Variants in SLC5A11 observed in about 807,000 individuals in gnomAD.
SLC5A11 encodes sodium/myo-inositol cotransporter 2.
SLC5A11 carries 48 observed loss-of-function variants against 69.8 expected under a neutral mutation model. That is an observed-to-expected ratio of 0.69 (90% CI 0.55 to 0.87). The LOEUF is 0.87. Among genes scored for constraint, SLC5A11 ranks in the 40% least tolerant of loss-of-function variants. The pLI is 0.00. For missense variants in SLC5A11, 784 were observed against 866.1 expected (o/e 0.91, Z 1.19); for synonymous variants, 319 against 342.4 (o/e 0.93, Z 0.75).
At chr16:24,908,933 T>C (rs1597320511) in exon 14 of SLC5A11, 1 of 1,613,970 alleles carries the variant, frequency 6.2e-7, no homozygotes, top group Non-Finnish European at 8.5e-7. Context: ...GTTAGGCTGG[T>C]CCTGGACTTT....
chr16:24,882,368 G>A (rs892884239), intron 7 of SLC5A11, among the ~76,000 whole-genome samples: 1 of 152,158 alleles, frequency 6.6e-6, no homozygotes, highest in Non-Finnish European at 1.5e-5. Flanking sequence ...TGAACGGCAG[G>A]GAACTGAGGC....
Position 24,888,783 on chromosome 16 carries a change from C to CTTTTT in SLC5A11, c.665-2061_665-2057dup, listed in dbSNP as rs1169015317. Among the ~76,000 whole-genome samples, 16 of 45,756 alleles carry CTTTTT rather than the reference C, an allele frequency of 3.5e-4. 4 individuals carry two copies. The highest frequency in any genetic ancestry group is 1.3e-3 in the East Asian group (2 of 1,488). 30.0% of individuals were successfully genotyped at this position (45,756 alleles called of 152,430 possible). A position where few individuals can be genotyped will look rare whatever the true frequency, so the allele number is the denominator to read the frequency against. On this transcript the variant is annotated intron_variant, in intron 8 of 15. Transcript: ENST00000347898. The stretch of plus-strand genomic sequence containing the variant: ...ACAGGTGTGAGCCACCGTGCCTGTC[C>CTTTTT]TTTTTTTTTTTTTTTTTTTTTTTTT...
chr16:24,868,540 G>A (rs1028001659), intron 3 of SLC5A11, among the ~76,000 whole-genome samples: 9 of 149,962 alleles, frequency 6.0e-5, no homozygotes, highest in South Asian at 2.1e-4. Flanking sequence ...TGGAGCTTGC[G>A]GTGAGCTGAG....
intron 2 of SLC5A11, 82 bp from the exon 4 acceptor site, chr16:24,862,519 A>G: frequency 2.6e-6 from 3 of 1,142,002 alleles, no homozygotes; most frequent in South Asian, 1.4e-5. Context: ...CCAGTTTGCA[A>G]TCCCTGCCTG....
At chr16:24,897,698 G>A (rs902307375) in intron 9 of SLC5A11, among the ~76,000 whole-genome samples, 1 of 152,182 alleles carries the variant, frequency 6.6e-6, no homozygotes, top group African/African-American at 2.4e-5. Context: ...GCAAAGAGGA[G>A]CAAGTCACGT....
intron 7 of SLC5A11, among the ~76,000 whole-genome samples, chr16:24,880,555 A>G (rs1032853276): frequency 3.9e-5 from 6 of 152,062 alleles, no homozygotes; most frequent in African/African-American, 1.2e-4. Flanking sequence ...GCTGGTTTCG[A>G]ACTCCCATCC....
intron 1 of SLC5A11, among the ~76,000 whole-genome samples, chr16:24,857,792 T>C (rs2059598033): frequency 6.6e-6 from 1 of 152,222 alleles, no homozygotes; most frequent in Non-Finnish European, 1.5e-5. Context: ...CCAACCTTAA[T>C]TTTATCTGCA....
intron 1 of SLC5A11, among the ~76,000 whole-genome samples, chr16:24,855,383 C>T (rs1206233661): frequency 6.9e-6 from 1 of 145,888 alleles, no homozygotes; most frequent in Non-Finnish European, 1.5e-5. Context: ...GGAGGAATTG[C>T]TTGAGCCCAG....
intron 9 of SLC5A11, among the ~76,000 whole-genome samples, 192 bp from the exon 11 acceptor site, chr16:24,897,782 A>C (rs893207640): frequency 1.3e-5 from 2 of 152,174 alleles, no homozygotes; most frequent in Non-Finnish European, 2.9e-5. Context: ...AAACCATCAG[A>C]TCTCATGAGA....
At chr16:24,905,272 A>C (rs78305992) in intron 10 of SLC5A11, among the ~76,000 whole-genome samples, 1 of 45,922 alleles carries the variant, frequency 2.2e-5, no homozygotes, top group Non-Finnish European at 6.4e-5. Context: ...AAAAATACAA[A>C]AAAAAAAAAA....
At chr16:24,855,211 C>G (rs1363013775) in intron 1 of SLC5A11, among the ~76,000 whole-genome samples, 1 of 152,044 alleles carries the variant, frequency 6.6e-6, no homozygotes, top group African/African-American at 2.4e-5. Context: ...TACATTGAAA[C>G]CTAAATCCCT....
intron 1 of SLC5A11, among the ~76,000 whole-genome samples, chr16:24,853,101 C>T (rs142213763): frequency 4.1e-4 from 61 of 149,780 alleles, no homozygotes; most frequent in African/African-American, 1.5e-3. Flanking sequence ...ACAACTAATG[C>T]CTAATGTTTG....
chr16:24,851,848 T>C (rs1340230356), intron 1 of SLC5A11, among the ~76,000 whole-genome samples: 1 of 152,218 alleles, frequency 6.6e-6, no homozygotes, highest in Non-Finnish European at 1.5e-5. Flanking sequence ...GGTGCAGTTC[T>C]AAAGTATTTA....
chr16:24,889,543 ATTTTTT>A (rs71156454), intron 8 of SLC5A11, among the ~76,000 whole-genome samples: 47 of 74,344 alleles, frequency 6.3e-4, no homozygotes, highest in African/African-American at 1.2e-3. Flanking sequence ...AGGTCTTACA[ATTTTTT>A]TTTTTTTTTT....
chr16:24,858,872 C>T, intron 2 of SLC5A11, 94 bp downstream of exon 3: 1 of 1,436,924 alleles, frequency 7.0e-7, no homozygotes. Context: ...AGCTAAGATA[C>T]TGACTGTGAG....
chr16:24,869,915 G>T (rs1052880693), exon 4 of SLC5A11: 1 of 1,613,970 alleles, frequency 6.2e-7, no homozygotes, highest in South Asian at 1.1e-5. Context: ...GTGCATCCTT[G>T]TTTGCCAGCA....
At chr16:24,850,737 G>A (rs553181668) in intron 1 of SLC5A11, among the ~76,000 whole-genome samples, 79 of 152,226 alleles carry the variant, frequency 5.2e-4, no homozygotes, top group Middle Eastern at 3.4e-3. Context: ...CAGAGTCCTT[G>A]TAGGGAGGCT....
In SLC5A11 at chr16:24,856,188, T is replaced by C. The variant is rs185805219; in HGVS notation, c.-24-2432T>C. ...TTCAGCAGGGGGAGGCCTGAAATTC[T>C]AGACTTCCTGAAATGTGTATTGCCC... On this transcript the variant is annotated intron_variant, in intron 1 of 15. Coordinates refer to ENST00000347898, the Ensembl canonical transcript of SLC5A11. 2.6e-3 allele frequency among the ~76,000 whole-genome samples: 392 copies of C among 152,342 alleles called. 1 individual carries two copies. Among genetic ancestry groups the C allele is most frequent in the African/African-American group, 7.8e-3 (324 of 41,572 alleles).
chr16:24,858,536 G>A, intron 1 of SLC5A11, 84 bp from the exon 3 acceptor site: 1 of 1,277,806 alleles, frequency 7.8e-7, no homozygotes, highest in Non-Finnish European at 1.1e-6. Flanking sequence ...CCTCTTTCAT[G>A]GATGGCCTAG....
Sources: gnomAD v4.1 joint callset for allele counts (sites outside exome capture counted in the v4.1 genomes callset) on GRCh38, gnomAD v4.1.1 for gene constraint, MANE v1.5 for transcripts, NCBI Gene and HGNC (gene_info 2026-07-23, HGNC 2026-07-21) for gene names.